Variants in LRRC7 observed in about 807,000 individuals in gnomAD.
LRRC7 encodes the protein leucine rich repeat containing 7, also known as leucine-rich repeat-containing protein 7.
LRRC7 carries 23 observed loss-of-function variants against 175.7 expected under a neutral mutation model. The observed-to-expected ratio is 0.13, with a 90% CI of 0.09 to 0.19. The LOEUF (loss-of-function observed/expected upper bound fraction) is 0.19, where lower values mean the gene tolerates loss of function less well. Ranked by LOEUF, LRRC7 falls within the 10% of genes least tolerant of loss-of-function variation. The pLI is 1.00. For synonymous variants in LRRC7, 685 were observed against 680.9 expected (o/e 1.01, Z -0.09); for missense variants, 1,354 against 1,904.7 (o/e 0.71, Z 5.38).
chr1:69,927,137 C>G (rs996415422), intron 7 of LRRC7, among the ~76,000 whole-genome samples: 3 of 152,190 alleles, frequency 2.0e-5, no homozygotes, highest in Admixed American at 6.5e-5. Flanking sequence ...ATATTGGCCC[C>G]CAATGTCTTC....
chr1:69,687,353 CA>C (rs1441498487), intron 2 of LRRC7, among the ~76,000 whole-genome samples: 2 of 151,212 alleles, frequency 1.3e-5, no homozygotes, highest in African/African-American at 4.9e-5. Context: ...TACAAAAATA[CA>C]AAAAAATTAG....
At chr1:69,838,194 C>T in intron 6 of LRRC7, 33 bp from the exon 7 acceptor site, 3 of 1,545,794 alleles carry the variant, frequency 1.9e-6, no homozygotes, top group Non-Finnish European at 2.7e-6. Context: ...GACAGACATA[C>T]TAAGAGGAAA....
chr1:70,099,879 A>G (rs1419155057), intron 25 of LRRC7, among the ~76,000 whole-genome samples: 1 of 152,200 alleles, frequency 6.6e-6, no homozygotes, highest in Non-Finnish European at 1.5e-5. Context: ...CATATTAAAT[A>G]CAGGCTTTAA....
chr1:69,600,800 CTTTTTTTTTTTTT>C lies in LRRC7; in HGVS notation c.2+32175_2+32187del, dbSNP rs59212223. The stretch of plus-strand genomic sequence containing the variant: ...CCATTTCTCCAAGGATCTCTGGTTT[CTTTTTTTTTTTTT>C]TTTTTTTTTTTTTTTGAGACAGAGT... On this transcript the variant is annotated intron_variant, in intron 1 of 26. Coordinates refer to ENST00000651989, the MANE Select transcript of LRRC7 (RefSeq NM_001370785.2). Among the ~76,000 whole-genome samples the C allele has an allele frequency of 9.1e-4, 59 of 64,904 alleles. 3 individuals carry two copies. The highest frequency in any genetic ancestry group is 3.2e-3 in the African/African-American group (51 of 16,178). The allele number at this position is 64,904 out of a possible 152,430, so 42.6% of individuals were successfully genotyped here. A position where few individuals can be genotyped will look rare whatever the true frequency, so the allele number is the denominator to read the frequency against.
rs1675200719 is a variant in LRRC7, at chr1:69,792,172, C to T, written c.421+12C>T. 1.4e-6 allele frequency: 2 copies of T among 1,437,012 alleles called. No individual in the cohort carries two copies. The highest frequency in any genetic ancestry group is 2.8e-5 in the African/African-American group (2 of 70,510). 89.0% of individuals were successfully genotyped at this position (1,437,012 alleles called of 1,614,324 possible). ...CATCAGTAAAAATGGTAAGATTTTT[C>T]TCTCATCATAAAATACCTAGAATTT... On this transcript the variant is annotated intron_variant, in intron 4 of 26. Coordinates refer to ENST00000651989, the MANE Select transcript of LRRC7 (RefSeq NM_001370785.2).
rs1666930939 is a variant in LRRC7 at position 70,137,880 on chromosome 1, C to T, written c.*15993C>T. 6.6e-6 allele frequency among the ~76,000 whole-genome samples: 1 copy of T among 152,240 alleles called. No homozygotes were observed. The highest frequency in any genetic ancestry group is 2.1e-4 in the South Asian group (1 of 4,838). ...AAGGGAAGAATCTCTTTAGAGATTACATTACACCAGCAAGAGAATATTAAT... is the reference window on the plus strand; with the variant it reads ...AAGGGAAGAATCTCTTTAGAGATTATATTACACCAGCAAGAGAATATTAAT... On this transcript the variant is annotated 3_prime_UTR_variant, in exon 27 of 27. Coordinates refer to ENST00000651989, the MANE Select transcript of LRRC7 (RefSeq NM_001370785.2).
intron 2 of LRRC7, among the ~76,000 whole-genome samples, chr1:69,725,551 G>T (rs747801943): frequency 6.6e-6 from 1 of 152,166 alleles, no homozygotes; most frequent in Non-Finnish European, 1.5e-5. Flanking sequence ...AAAATCTAAA[G>T]AATGAAATTG....
At chr1:69,730,273 T>C (rs976245055) in intron 2 of LRRC7, among the ~76,000 whole-genome samples, 3 of 152,276 alleles carry the variant, frequency 2.0e-5, no homozygotes, top group African/African-American at 7.2e-5. Flanking sequence ...TGTAAATTTC[T>C]GCAGTGGGCT....
intron 4 of LRRC7, among the ~76,000 whole-genome samples, chr1:69,814,069 G>C (rs945719468): frequency 2.0e-5 from 3 of 151,998 alleles, no homozygotes. Flanking sequence ...ATTGAAAACA[G>C]TTGTTTCTGA....
chr1:69,680,620 G>T (rs1660355140), intron 2 of LRRC7, among the ~76,000 whole-genome samples: 1 of 150,218 alleles, frequency 6.7e-6, no homozygotes, highest in Non-Finnish European at 1.5e-5. Context: ...AGTACAATGA[G>T]CAATTCTACT....
intron 2 of LRRC7, among the ~76,000 whole-genome samples, chr1:69,704,643 A>C (rs1663794152): frequency 6.6e-6 from 1 of 151,996 alleles, no homozygotes; most frequent in South Asian, 2.1e-4. Flanking sequence ...AAATATGATC[A>C]GTTTTAATAA....
chr1:69,974,329 A>G (rs538273596), intron 8 of LRRC7, among the ~76,000 whole-genome samples: 2 of 152,162 alleles, frequency 1.3e-5, no homozygotes, highest in South Asian at 2.1e-4. Context: ...TGATTTTTCT[A>G]TATTTTAGAT....
Position 69,816,833 on chromosome 1 carries a change from A to T in LRRC7, c.422-8915A>T, listed in dbSNP as rs111281891. Among the ~76,000 whole-genome samples the T allele has an allele frequency of 9.6e-4, 146 of 152,120 alleles. 1 individual carries two copies. Among genetic ancestry groups the T allele is most frequent in the African/African-American group, 3.4e-3 (143 of 41,522 alleles). On this transcript the variant is annotated intron_variant, in intron 4 of 26. Transcript: ENST00000651989. The stretch of plus-strand genomic sequence containing the variant: ...CACTCCCCAGCACCTGGTAACAACT[A>T]TTCTACTCTGTTTCTAAGAATTAGA...
intron 1 of LRRC7, among the ~76,000 whole-genome samples, chr1:69,676,904 T>C (rs1659843282): frequency 6.6e-6 from 1 of 152,018 alleles, no homozygotes; most frequent in South Asian, 2.1e-4. Flanking sequence ...TTGTACTCAA[T>C]AGGTAGTTTT....
rs1389679158 is a variant in LRRC7, at chr1:69,772,984, G to A, written c.303+12591G>A. On this transcript the variant is annotated intron_variant, in intron 3 of 26. Transcript: ENST00000651989. ...GAAGTCGTTGGTTACCTTAATAAGA[G>A]TAGTACAGTGAAAACCTGATTGAAG... 2.6e-5 allele frequency among the ~76,000 whole-genome samples: 4 copies of A among 152,158 alleles called. No individual in the cohort carries two copies. The East Asian group carries it at 7.7e-4, about 29-fold the overall frequency.
intron 1 of LRRC7, among the ~76,000 whole-genome samples, chr1:69,655,319 A>C (rs1396793456): frequency 6.6e-6 from 1 of 152,042 alleles, no homozygotes; most frequent in Non-Finnish European, 1.5e-5. Flanking sequence ...TAGGCGGCTG[A>C]TGAGATAGCT....
At chr1:70,095,338 G>A (rs1002750834) in intron 25 of LRRC7, among the ~76,000 whole-genome samples, 2 of 152,148 alleles carry the variant, frequency 1.3e-5, no homozygotes, top group Admixed American at 6.5e-5. Flanking sequence ...TACTTCAGCT[G>A]CATCTTAGTC....
intron 7 of LRRC7, chr1:69,919,785 T>C: frequency 2.2e-6 from 2 of 895,944 alleles, no homozygotes; most frequent in Admixed American, 3.9e-5. Flanking sequence ...ACGGGGGAGA[T>C]GAGCGGGACA....
chr1:69,947,902 T>C (rs913289328), intron 8 of LRRC7, among the ~76,000 whole-genome samples: 8 of 152,142 alleles, frequency 5.3e-5, no homozygotes, highest in Non-Finnish European at 8.8e-5. Flanking sequence ...AAAAAAGTTA[T>C]GCAAATGTGA....
Sources: gnomAD v4.1 joint callset for allele counts (sites outside exome capture counted in the v4.1 genomes callset) on GRCh38, gnomAD v4.1.1 for gene constraint, MANE v1.5 for transcripts, NCBI Gene and HGNC (gene_info 2026-07-23, HGNC 2026-07-21) for gene names.